Variants in ASXL3 observed in about 807,000 individuals in gnomAD.
The protein encoded by ASXL3 is putative Polycomb group protein ASXL3.
A neutral mutation model predicts 170.6 loss-of-function variants in ASXL3; 34 were observed. The ratio of observed to expected loss-of-function variants is 0.20; its 90% CI spans 0.15 to 0.27. The LOEUF (loss-of-function observed/expected upper bound fraction) is 0.27. Among genes scored for constraint, ASXL3 ranks in the 10% least tolerant of loss-of-function variants. The pLI is 1.00. For missense variants in ASXL3, 2,592 were observed against 2,695.3 expected, an observed-to-expected ratio of 0.96 and a Z score of 0.85; for synonymous variants, 1,002 against 989.1, an observed-to-expected ratio of 1.01 and a Z score of -0.24.
chr18:33,601,035 C>G (rs1305869171), intron 1 of ASXL3, among the ~76,000 whole-genome samples: 1 of 152,098 alleles, frequency 6.6e-6, no homozygotes, highest in African/African-American at 2.4e-5. Context: ...TAAAAGCATG[C>G]CATGAGGAAA....
chr18:33,670,637 T>C, intron 5 of ASXL3, 36 bp from the exon 6 acceptor site: 2 of 1,432,416 alleles, frequency 1.4e-6, no homozygotes, highest in Non-Finnish European at 1.9e-6. Flanking sequence ...ATTTTGGCTA[T>C]ATTTTTATGT....
In ASXL3 at chr18:33,728,717, T is replaced by A. The variant is rs531242158; in HGVS notation, c.880-3251T>A. On this transcript the variant is annotated intron_variant, in intron 8 of 11. Transcript: ENST00000269197. ...AATCCTGAAGACCTTCACCCAGTCA[T>A]AAATATATCTCAGATTTGTCTTTCT... Among the ~76,000 whole-genome samples, 3 of 152,284 alleles carry A rather than the reference T, an allele frequency of 2.0e-5. No homozygotes were observed. In the East Asian group the frequency reaches 5.8e-4, roughly 29 times the overall value.
In ASXL3 at chr18:33,745,080, G is replaced by A; in HGVS notation, c.5232G>A (p.Glu1744=). Residue 1744 remains glutamate (E), a synonymous_variant, in exon 12 of 12, where the codon GAG becomes GAA. Coordinates refer to ENST00000269197, the MANE Select transcript of ASXL3 (RefSeq NM_030632.3). ...GSSGCRLSSV[E]ANNPLVTQLL... is the part of the protein sequence containing the mutation. ...CAGGCTGTCGTCTGTCCTCTGTGGA[G>A]GCTAACAATCCGCTGGTGACGCAGT... 1 of 1,614,024 alleles carries A rather than the reference G, an allele frequency of 6.2e-7. No homozygotes were observed. The highest frequency in any genetic ancestry group is 1.6e-4 in the Middle Eastern group (1 of 6,062).
At position 33,745,885 on chromosome 18, in the gene ASXL3, G is replaced by A. The variant is rs1393187102; in HGVS notation, c.6037G>A (p.Ala2013Thr). 1 of 1,613,250 alleles carries A rather than the reference G, an allele frequency of 6.2e-7. No homozygotes were observed. The highest frequency in any genetic ancestry group is 8.5e-7 in the Non-Finnish European group (1 of 1,179,864). ...CACTGCACACACAATGCCAAACAAA[G>A]CACTAGTACATCCGCCGCCGCCACC... Reference protein sequence around the residue: ...GGTAHTMPNKALVHPPPPPPP... With the variant: ...GGTAHTMPNKTLVHPPPPPPP... Residue 2013 changes from alanine to threonine, a missense_variant, in exon 12 of 12, where the codon GCA (alanine) becomes ACA (threonine). Around this residue, in one of 4 missense-constraint regions of ASXL3, gnomAD observed 2,246 missense variants for 2,219.6 expected, o/e 1.01. Transcript: ENST00000269197.
At chr18:33,675,209 C>A (rs2066406478) in intron 7 of ASXL3, among the ~76,000 whole-genome samples, 1 of 152,128 alleles carries the variant, frequency 6.6e-6, no homozygotes, top group South Asian at 2.1e-4. Context: ...AGTGAAGCTC[C>A]TCCTATCTTC....
chr18:33,683,851 A>C (rs536485411), intron 8 of ASXL3, among the ~76,000 whole-genome samples: 35 of 152,190 alleles, frequency 2.3e-4, no homozygotes, highest in Non-Finnish European at 3.8e-4. Flanking sequence ...TCCATTATCA[A>C]ATAAATCTTT....
chr18:33,608,542 C>G (rs1355023437), intron 2 of ASXL3, among the ~76,000 whole-genome samples: 1 of 151,834 alleles, frequency 6.6e-6, no homozygotes, highest in Non-Finnish European at 1.5e-5. Context: ...CTTTAGATAG[C>G]AGGTTAGGGC....
chr18:33,591,665 G>T lies in ASXL3; in HGVS notation c.54+12980G>T, dbSNP rs148097462. On this transcript the variant is annotated intron_variant, in intron 1 of 11. Coordinates refer to ENST00000269197, the MANE Select transcript of ASXL3 (RefSeq NM_030632.3). ...TTTTTTTTTTTTTTCTTTTTTAAAC[G>T]AAGTCTTTCTCTGTCGCCCAGGCTG... Among the ~76,000 whole-genome samples, 761 of 145,362 alleles carry T rather than the reference G, an allele frequency of 5.2e-3. 6 individuals carry two copies. Among genetic ancestry groups the T allele is most frequent in the African/African-American group, 0.018 (701 of 39,262 alleles).
Position 33,646,890 on chromosome 18 carries a change from G to C in ASXL3, c.355+537G>C, listed in dbSNP as rs573615484. Among the ~76,000 whole-genome samples the C allele has an allele frequency of 3.5e-5, 5 of 141,056 alleles. 1 individual carries two copies. The highest frequency in any genetic ancestry group is 1.3e-4 in the African/African-American group (5 of 38,428). The allele number at this position is 141,056 out of a possible 152,430, so 92.5% of individuals were successfully genotyped here. Reference sequence around the variant, plus strand: ...AATTTTAAGGGGGAGCGGGGGGGGGGGGCATTTTTCACCTCTGAATTTTAT... The same window carrying C: ...AATTTTAAGGGGGAGCGGGGGGGGGCGGCATTTTTCACCTCTGAATTTTAT... On this transcript the variant is annotated intron_variant, in intron 4 of 11. Coordinates refer to ENST00000269197, the MANE Select transcript of ASXL3 (RefSeq NM_030632.3).
chr18:33,627,771 A>C (rs973474166), intron 2 of ASXL3, among the ~76,000 whole-genome samples: 1 of 152,138 alleles, frequency 6.6e-6, no homozygotes. Context: ...TAAACTGCTC[A>C]TGCATTTTAA....
intron 8 of ASXL3, among the ~76,000 whole-genome samples, chr18:33,718,960 G>A (rs1025209382): frequency 4.6e-5 from 7 of 151,876 alleles, no homozygotes; most frequent in African/African-American, 1.7e-4. Context: ...AGCTTGTTGA[G>A]AACTTTGTGT....
intron 4 of ASXL3, among the ~76,000 whole-genome samples, chr18:33,648,768 G>A (rs1488025021): frequency 6.6e-5 from 10 of 152,078 alleles, no homozygotes; most frequent in Non-Finnish European, 1.5e-4. Context: ...ATAGAAAACA[G>A]TGAGACTGAA....
rs1315498221 is a variant in ASXL3 at position 33,635,329 on chromosome 18, G to A, written c.138-9565G>A. Among the ~76,000 whole-genome samples, 4 of 152,106 alleles carry A rather than the reference G, an allele frequency of 2.6e-5. No individual in the cohort carries two copies. In the South Asian group the frequency reaches 6.2e-4, roughly 24 times the overall value. ...AGACTTATTGGCTTATTTAACTTGG[G>A]CATCCATCAGGTTGATCTTCAACAT... On this transcript the variant is annotated intron_variant, in intron 2 of 11. Transcript: ENST00000269197.
intron 2 of ASXL3, among the ~76,000 whole-genome samples, chr18:33,629,711 C>A (rs1026256023): frequency 3.9e-5 from 6 of 151,958 alleles, no homozygotes; most frequent in Admixed American, 6.6e-5. Flanking sequence ...AAATAATGCA[C>A]AGGAAATCTT....
At chr18:33,611,505 T>C (rs1192635532) in intron 2 of ASXL3, among the ~76,000 whole-genome samples, 1 of 152,042 alleles carries the variant, frequency 6.6e-6, no homozygotes, top group African/African-American at 2.4e-5. Context: ...TGTTTATTGA[T>C]TGTCAACAGT....
chr18:33,701,035 C>G (rs1038194117), intron 8 of ASXL3, among the ~76,000 whole-genome samples: 2 of 151,756 alleles, frequency 1.3e-5, no homozygotes, highest in African/African-American at 4.8e-5. Context: ...TCCAAAAGAT[C>G]TGTTGTTTTT....
At chr18:33,636,081 G>C (rs547665820) in intron 2 of ASXL3, among the ~76,000 whole-genome samples, 8 of 152,220 alleles carry the variant, frequency 5.3e-5, no homozygotes, top group African/African-American at 1.9e-4. Flanking sequence ...TAAAGGAATG[G>C]GGCTATCTTA....
intron 4 of ASXL3, among the ~76,000 whole-genome samples, chr18:33,649,072 G>A (rs1487283229): frequency 6.6e-6 from 1 of 152,032 alleles, no homozygotes; most frequent in Non-Finnish European, 1.5e-5. Flanking sequence ...AGGGGAAGGA[G>A]TGGAATGGGA....
At chr18:33,658,782 G>A (rs2066124315) in intron 4 of ASXL3, among the ~76,000 whole-genome samples, 1 of 152,050 alleles carries the variant, frequency 6.6e-6, no homozygotes, top group African/African-American at 2.4e-5. Flanking sequence ...AGGTATTCTT[G>A]ATGTTTTTCT....
Sources: gnomAD v4.1 joint callset for allele counts (sites outside exome capture counted in the v4.1 genomes callset) on GRCh38, gnomAD v4.1.1 for gene constraint, gnomAD v4.1.1 regional missense constraint, MANE v1.5 for transcripts, NCBI Gene and HGNC (gene_info 2026-07-23, HGNC 2026-07-21) for gene names.